GCNT2: variants seen among roughly 807,000 people sequenced by gnomAD.
The protein encoded by GCNT2 is glucosaminyl (N-acetyl) transferase 2 (I blood group), also known as N-acetyllactosaminide beta-1,6-N-acetylglucosaminyl-transferase.
In GCNT2, 34 loss-of-function variants were observed where a neutral mutation model predicts 34.2. That is an observed-to-expected ratio of 1.00 (90% CI 0.76 to 1.32). The LOEUF (loss-of-function observed/expected upper bound fraction) is 1.32. GCNT2 is among the 40% of genes most tolerant of loss of function. GCNT2 has a pLI of 0.00. For missense variants in GCNT2, 584 were observed against 489.4 expected, an observed-to-expected ratio of 1.19 and a Z score of -1.82; for synonymous variants, 212 against 188.0, an observed-to-expected ratio of 1.13 and a Z score of -1.04.
intron 3 of GCNT2, among the ~76,000 whole-genome samples, chr6:10,540,765 T>C (rs898427893): frequency 1.3e-5 from 2 of 152,206 alleles, no homozygotes; most frequent in African/African-American, 2.4e-5. Flanking sequence ...TTTCTGATTT[T>C]TCAATTCTAG....
chr6:10,618,018 G>C (rs1344795809), intron 3 of GCNT2, among the ~76,000 whole-genome samples: 1 of 152,118 alleles, frequency 6.6e-6, no homozygotes, highest in Non-Finnish European at 1.5e-5. Context: ...GCCTCCCAAA[G>C]TGCTGGGATT....
intron 3 of GCNT2, among the ~76,000 whole-genome samples, chr6:10,599,288 CAG>C (rs1234869315): frequency 3.3e-5 from 5 of 152,224 alleles, no homozygotes; most frequent in Admixed American, 6.5e-5. Flanking sequence ...CTAGGAAACA[CAG>C]GGAGCCAACA....
At chr6:10,621,002 G>A (rs957147424) in intron 3 of GCNT2, among the ~76,000 whole-genome samples, 4 of 152,100 alleles carry the variant, frequency 2.6e-5, no homozygotes, top group African/African-American at 7.2e-5. Flanking sequence ...ACTGTCAATC[G>A]CGCTGAAGTG....
intron 3 of GCNT2, among the ~76,000 whole-genome samples, chr6:10,592,360 T>G (rs1764687507): frequency 6.6e-6 from 1 of 152,218 alleles, no homozygotes; most frequent in Admixed American, 6.5e-5. Context: ...TCTGGCTTAT[T>G]TAACCTCTTC....
chr6:10,539,489 C>T (rs563788271), intron 3 of GCNT2, among the ~76,000 whole-genome samples: 6 of 151,846 alleles, frequency 4.0e-5, no homozygotes, highest in Admixed American at 3.9e-4. Context: ...GCGCCCGGCC[C>T]CGCCATCTCT....
chr6:10,549,820 G>T (rs80316946), intron 3 of GCNT2, among the ~76,000 whole-genome samples: 2 of 152,168 alleles, frequency 1.3e-5, no homozygotes, highest in East Asian at 1.9e-4. Context: ...GTATAATATG[G>T]ATTGTGCCCA....
rs201563218 is a variant in GCNT2 at position 10,621,337 on chromosome 6, T to C, written c.926-14T>C. ...GACTCTCATCTCTACGCTTCTTCTTTATCAACATTGCAGGTGTTCCTGGCT... is the reference window on the plus strand; with the variant it reads ...GACTCTCATCTCTACGCTTCTTCTTCATCAACATTGCAGGTGTTCCTGGCT... On this transcript the variant is annotated splice_polypyrimidine_tract_variant and intron_variant, in intron 3 of 4. Transcript: ENST00000495262. The C allele has an allele frequency of 1.3e-5, 21 of 1,558,616 alleles. No homozygotes were observed. In the East Asian group the frequency reaches 4.5e-4, roughly 33 times the overall value.
intron 3 of GCNT2, among the ~76,000 whole-genome samples, chr6:10,588,424 A>G (rs139564199): frequency 0.011 from 1,749 of 152,340 alleles, 11 homozygotes; most frequent in Non-Finnish European, 0.018. Context: ...CAGATGAAAA[A>G]CATGAGGCTT....
intron 3 of GCNT2, among the ~76,000 whole-genome samples, chr6:10,576,606 G>C (rs1360381447): frequency 6.6e-6 from 1 of 152,146 alleles, no homozygotes; most frequent in Admixed American, 6.6e-5. Flanking sequence ...AAAGACTTAG[G>C]GGGAGGTAGG....
At chr6:10,578,607 T>C (rs1218606865) in intron 3 of GCNT2, among the ~76,000 whole-genome samples, 2 of 151,758 alleles carry the variant, frequency 1.3e-5, no homozygotes, top group South Asian at 2.1e-4. Flanking sequence ...CCACCTCGCC[T>C]GGCCAATTTT....
At chr6:10,611,856 C>T (rs1158289335) in intron 3 of GCNT2, among the ~76,000 whole-genome samples, 1 of 152,086 alleles carries the variant, frequency 6.6e-6, no homozygotes, top group Non-Finnish European at 1.5e-5. Context: ...AGCAATACAA[C>T]ATTAAAGAAA....
At position 10,626,698 on chromosome 6, in the gene GCNT2, C is replaced by A. The variant is rs1170599538; in HGVS notation, c.*91C>A. 3 of 911,406 alleles carry A rather than the reference C, an allele frequency of 3.3e-6. No homozygotes were observed. The highest frequency in any genetic ancestry group is 5.4e-6 in the Non-Finnish European group (3 of 557,244). 56.5% of individuals were successfully genotyped at this position (911,406 alleles called of 1,614,324 possible). A position where few individuals can be genotyped will look rare whatever the true frequency, so the allele number is the denominator to read the frequency against. On this transcript the variant is annotated 3_prime_UTR_variant, in exon 5 of 5. Coordinates refer to ENST00000495262, the MANE Select transcript of GCNT2 (RefSeq NM_145649.5). ...GAGACTTTTGCCTTCGTAATGTTAA[C>A]CGTTTCAGGACCACGTTTATAGCTT...
intron 3 of GCNT2, among the ~76,000 whole-genome samples, chr6:10,617,756 T>C (rs1384216981): frequency 8.5e-5 from 10 of 118,204 alleles, no homozygotes; most frequent in East Asian, 2.0e-4. Context: ...TCTTCTTTTT[T>C]TTTTTTTTTT....
intron 3 of GCNT2, among the ~76,000 whole-genome samples, chr6:10,605,103 G>A (rs1348902019): frequency 3.3e-5 from 5 of 151,548 alleles, no homozygotes; most frequent in South Asian, 2.1e-4. Flanking sequence ...CCATGATTGC[G>A]CCATGTGCTC....
chr6:10,548,992 C>T (rs143193486), intron 3 of GCNT2, among the ~76,000 whole-genome samples: 2 of 152,304 alleles, frequency 1.3e-5, no homozygotes, highest in African/African-American at 4.8e-5. Flanking sequence ...CTCCTGACCT[C>T]GTGATCCACA....
intron 3 of GCNT2, among the ~76,000 whole-genome samples, chr6:10,544,913 C>G (rs1250087806): frequency 2.6e-5 from 4 of 150,996 alleles, no homozygotes; most frequent in Non-Finnish European, 4.4e-5. Flanking sequence ...CCACTGCACC[C>G]CAGCCTTGGC....
intron 3 of GCNT2, chr6:10,581,995 T>A: frequency 3.9e-6 from 1 of 259,010 alleles, no homozygotes; most frequent in Non-Finnish European, 5.9e-6. Flanking sequence ...TATGTATATA[T>A]AAATATATTT....
chr6:10,608,061 AAATGGTATGCACTTTTTTTTTTTT>A (rs2127433531), intron 3 of GCNT2, among the ~76,000 whole-genome samples: 1 of 151,528 alleles, frequency 6.6e-6, no homozygotes, highest in East Asian at 1.9e-4. Context: ...ATGCTGAGTC[AAATGGTATGCACTTTTTTTTTTTT>A]TTTTTTTTTG....
intron 3 of GCNT2, among the ~76,000 whole-genome samples, chr6:10,582,246 TATATATA>T (rs1764116569): frequency 8.3e-6 from 1 of 120,526 alleles, no homozygotes; most frequent in Non-Finnish European, 1.6e-5. Context: ...ATATATAAAA[TATATATA>T]ATATATACTA....
Sources: allele counts gnomAD v4.1 joint callset (sites outside exome capture counted in the v4.1 genomes callset), GRCh38; gene constraint gnomAD v4.1.1; transcripts MANE v1.5; gene names NCBI Gene and HGNC (gene_info 2026-07-23, HGNC 2026-07-21).